Variants in ARMC7 observed in about 807,000 individuals in gnomAD.
ARMC7 encodes armadillo repeat containing 7.
A neutral mutation model predicts 14.8 loss-of-function variants in ARMC7; 9 were observed. The observed-to-expected ratio is 0.61, with a 90% CI of 0.37 to 1.06. The LOEUF (loss-of-function observed/expected upper bound fraction) is 1.06. ARMC7 is among the 50% of genes least tolerant of loss of function. The probability of loss-of-function intolerance (pLI) is 0.01; values close to 1 mark genes in which losing one functional copy is unlikely to be tolerated. For synonymous variants in ARMC7, 125 were observed against 123.4 expected, an observed-to-expected ratio of 1.01 and a Z score of -0.09; for missense variants, 262 against 267.1, an observed-to-expected ratio of 0.98 and a Z score of 0.13.
chr17:75,110,812 A>G (rs920294263), intron 2 of ARMC7, among the ~76,000 whole-genome samples: 1 of 151,958 alleles, frequency 6.6e-6, no homozygotes, highest in Non-Finnish European at 1.5e-5. Context: ...AAAATTAGCT[A>G]GACGTGGTGG....
intron 2 of ARMC7, among the ~76,000 whole-genome samples, chr17:75,124,619 C>G (rs1310845557): frequency 6.6e-6 from 1 of 151,836 alleles, no homozygotes; most frequent in African/African-American, 2.4e-5. Context: ...ACTTCCACTG[C>G]CCCTGCTCCA....
Position 75,128,951 on chromosome 17 carries a change from C to G in ARMC7, c.510C>G (p.Pro170=), listed in dbSNP as rs1424049758. The change falls in exon 3 of 3, where the codon CCC becomes CCG. Residue 170 remains proline (P), a synonymous_variant. Transcript: ENST00000245543. ...TCTTCCTGGAGGACTTCTGCTCCCC[C>G]CGCCAGGTGGCCGAGGCCCGCAGCC... ...AQIFLEDFCS[P]RQVAEARSRQ... The G allele has an allele frequency of 6.2e-7, 1 of 1,605,586 alleles. No individual in the cohort carries two copies. The highest frequency in any genetic ancestry group is 8.5e-7 in the Non-Finnish European group (1 of 1,179,590).
chr17:75,124,923 A>C (rs1437873302), intron 2 of ARMC7, among the ~76,000 whole-genome samples: 1 of 152,216 alleles, frequency 6.6e-6, no homozygotes, highest in Non-Finnish European at 1.5e-5. Flanking sequence ...CTCCTGGTGG[A>C]AGGGACAGAG....
At position 75,128,945 on chromosome 17, in the gene ARMC7, CT is replaced by C; in HGVS notation, c.505del (p.Ser169ProfsTer81). The part of the protein sequence containing the change: ...LAQIFLEDFC[S>X]PRQVAEARSR... ...CACAGATCTTCCTGGAGGACTTCTG[CT>C]CCCCCCGCCAGGTGGCCGAGGCCCG... On this transcript the variant is annotated frameshift_variant, in exon 3 of 3. Coordinates refer to ENST00000245543, the MANE Select transcript of ARMC7 (RefSeq NM_024585.4). LOFTEE classifies it high-confidence loss of function. 1 of 1,606,376 alleles carries C rather than the reference CT, an allele frequency of 6.2e-7. No homozygotes were observed.
chr17:75,114,827 GA>G, intron 2 of ARMC7: 1 of 397,834 alleles, frequency 2.5e-6, no homozygotes, highest in East Asian at 3.6e-5. Context: ...GAAATTTCTC[GA>G]AATTTCTCTT....
chr17:75,120,887 G>A (rs1327422610), intron 2 of ARMC7, among the ~76,000 whole-genome samples: 1 of 151,522 alleles, frequency 6.6e-6, no homozygotes, highest in East Asian at 1.9e-4. Context: ...TGTCAGTTTG[G>A]TGAATTTTGA....
chr17:75,113,185 G>A (rs766096781), intron 2 of ARMC7, among the ~76,000 whole-genome samples: 10 of 150,660 alleles, frequency 6.6e-5, no homozygotes, highest in African/African-American at 1.5e-4. Flanking sequence ...CACCACGCCC[G>A]GCTAATTTTT....
intron 2 of ARMC7, among the ~76,000 whole-genome samples, chr17:75,122,991 T>G (rs539330391): frequency 6.6e-6 from 1 of 151,874 alleles, no homozygotes; most frequent in South Asian, 2.1e-4. Flanking sequence ...TCCTTCATCT[T>G]AAATTACAGG....
At chr17:75,128,075 A>C (rs1019193442) in intron 2 of ARMC7, among the ~76,000 whole-genome samples, 4 of 151,616 alleles carry the variant, frequency 2.6e-5, no homozygotes, top group African/African-American at 9.7e-5. Context: ...TTAGTTTTTT[A>C]TTTATTTATT....
At chr17:75,111,443 C>CA (rs370414151) in intron 2 of ARMC7, among the ~76,000 whole-genome samples, 49 of 143,896 alleles carry the variant, frequency 3.4e-4, no homozygotes, top group South Asian at 8.8e-4. Flanking sequence ...GACTCTGTCT[C>CA]AAAAAAAAAA....
chr17:75,116,089 A>C (rs1023006167), intron 2 of ARMC7, among the ~76,000 whole-genome samples: 3 of 152,148 alleles, frequency 2.0e-5, no homozygotes, highest in African/African-American at 7.2e-5. Flanking sequence ...AGGAACACCG[A>C]TCCTCAGCCT....
chr17:75,123,800 A>T (rs1598170718), intron 2 of ARMC7, among the ~76,000 whole-genome samples: 2 of 152,046 alleles, frequency 1.3e-5, no homozygotes, highest in East Asian at 2.0e-4. Context: ...AATCCCAGCT[A>T]CTTGGGAGGC....
Position 75,110,249 on chromosome 17 carries a change from C to T in ARMC7, c.-40C>T, listed in dbSNP as rs940378855. On this transcript the variant is annotated 5_prime_UTR_variant, in exon 1 of 3. Transcript: ENST00000245543. ...CGGCTTTCCCCCTGCACCTTTCCCA[C>T]CCTCCCGCCCGTCCCTGGGGGTCCT... 2.6e-6 allele frequency: 4 copies of T among 1,528,286 alleles called. No homozygotes were observed. The African/African-American group carries it at 4.1e-5, about 16-fold the overall frequency. The allele number at this position is 1,528,286 out of a possible 1,614,324, so 94.7% of individuals were successfully genotyped here. A position where few individuals can be genotyped will look rare whatever the true frequency, so the allele number is the denominator to read the frequency against.
At chr17:75,119,127 C>T (rs1189781287) in intron 2 of ARMC7, among the ~76,000 whole-genome samples, 1 of 149,382 alleles carries the variant, frequency 6.7e-6, no homozygotes, top group African/African-American at 2.5e-5. Flanking sequence ...CTCTATGACA[C>T]TGGTACACTG....
intron 2 of ARMC7, among the ~76,000 whole-genome samples, chr17:75,126,926 G>T (rs1046648862): frequency 6.6e-6 from 1 of 152,038 alleles, no homozygotes; most frequent in Non-Finnish European, 1.5e-5. Flanking sequence ...GCCGGGCATG[G>T]TGGCACATGC....
chr17:75,129,661 G>A lies in ARMC7; in HGVS notation c.*623G>A. 6.6e-6 allele frequency: 1 copy of A among 152,574 alleles called. No individual in the cohort carries two copies. Among genetic ancestry groups the A allele is most frequent in the East Asian group, 1.9e-4 (1 of 5,194 alleles). 9.5% of individuals were successfully genotyped at this position (152,574 alleles called of 1,614,324 possible). A position where few individuals can be genotyped will look rare whatever the true frequency, so the allele number is the denominator to read the frequency against. On this transcript the variant is annotated 3_prime_UTR_variant, in exon 3 of 3. Coordinates refer to ENST00000245543, the MANE Select transcript of ARMC7 (RefSeq NM_024585.4). ...CTGTTAGGCACCATGACTCCAAGAT[G>A]AAGATGTGGTCCCTGCCCTTGAGTG... is the stretch of plus-strand genomic sequence containing the variant.
chr17:75,129,232 G>A lies in ARMC7; in HGVS notation c.*194G>A, dbSNP rs1181305329. On this transcript the variant is annotated 3_prime_UTR_variant, in exon 3 of 3. Transcript: ENST00000245543. Reference sequence around the variant, plus strand: ...TGAGGAAGCCAGACTCCAGAGACACGGAGAAGATCAAACTGGAGCTGCGTT... The same window carrying A: ...TGAGGAAGCCAGACTCCAGAGACACAGAGAAGATCAAACTGGAGCTGCGTT... The A allele has an allele frequency of 1.0e-5, 8 of 773,958 alleles. No homozygotes were observed. The highest frequency in any genetic ancestry group is 8.2e-5 in the East Asian group (3 of 36,396). 47.9% of individuals were successfully genotyped at this position (773,958 alleles called of 1,614,324 possible).
chr17:75,109,986 C>T lies in ARMC7; in HGVS notation c.-303C>T, dbSNP rs2073894476. Reference sequence around the variant, plus strand: ...GGGAGCCCGGAACCGAGCCCAGGAGCCGGGGACGGTGCGCCAGTGCCCCCT... The same window carrying T: ...GGGAGCCCGGAACCGAGCCCAGGAGTCGGGGACGGTGCGCCAGTGCCCCCT... On this transcript the variant is annotated 5_prime_UTR_variant, in exon 1 of 3. Coordinates refer to ENST00000245543, the MANE Select transcript of ARMC7 (RefSeq NM_024585.4). The surrounding 1 kb of genome is among the most constrained non-coding windows in gnomAD (Gnocchi z 5.0). The T allele has an allele frequency of 5.9e-6, 2 of 337,190 alleles. No individual in the cohort carries two copies. Among genetic ancestry groups the T allele is most frequent in the Admixed American group, 9.3e-5 (2 of 21,612 alleles). 20.9% of individuals were successfully genotyped at this position (337,190 alleles called of 1,614,324 possible). A position where few individuals can be genotyped will look rare whatever the true frequency, so the allele number is the denominator to read the frequency against.
chr17:75,116,555 G>T (rs1057193149), intron 2 of ARMC7, among the ~76,000 whole-genome samples: 2 of 152,202 alleles, frequency 1.3e-5, no homozygotes, highest in African/African-American at 4.8e-5. Context: ...AACCGAGGAG[G>T]TGGAGGTTGA....
Sources: allele counts gnomAD v4.1 joint callset (sites outside exome capture counted in the v4.1 genomes callset), GRCh38; gene constraint gnomAD v4.1.1; non-coding constraint Gnocchi (gnomAD v3.1); transcripts MANE v1.5; gene names NCBI Gene and HGNC (gene_info 2026-07-23, HGNC 2026-07-21).